The following TUBGCP3 variants were observed in gnomAD, a reference collection of about 807,000 sequenced individuals.
TUBGCP3 encodes the protein gamma-tubulin complex component 3.
Under a neutral mutation model 123.1 loss-of-function variants are expected in TUBGCP3, and 50 were observed. That is an observed-to-expected ratio of 0.41 (90% CI 0.32 to 0.51). The LOEUF (loss-of-function observed/expected upper bound fraction) is 0.51. TUBGCP3 is among the 20% of genes least tolerant of loss of function. TUBGCP3 has a pLI of 0.36. For missense variants in TUBGCP3, 882 were observed against 1,127.0 expected, an observed-to-expected ratio of 0.78 and a Z score of 3.11; for synonymous variants, 405 against 413.9, an observed-to-expected ratio of 0.98 and a Z score of 0.26.
chr13:112,570,542 G>A (rs1220371011), intron 1 of TUBGCP3, among the ~76,000 whole-genome samples: 1 of 152,156 alleles, frequency 6.6e-6, no homozygotes, highest in Non-Finnish European at 1.5e-5. Context: ...ATACTTTATT[G>A]CTAAAAAATG....
intron 10 of TUBGCP3, chr13:112,546,824 A>G (rs1426567312): frequency 6.6e-6 from 1 of 152,238 alleles, no homozygotes; most frequent in Non-Finnish European, 1.5e-5. Context: ...GGGAAGTGCC[A>G]AGAGGTGAGA....
intron 21 of TUBGCP3, among the ~76,000 whole-genome samples, chr13:112,487,934 C>T (rs916392980): frequency 6.6e-6 from 1 of 151,894 alleles, no homozygotes; most frequent in African/African-American, 2.4e-5. Flanking sequence ...GAGTTCAAGA[C>T]CAGCCTGGCC....
chr13:112,566,149 AAGG>A (rs1404717655), intron 2 of TUBGCP3, among the ~76,000 whole-genome samples: 1 of 152,214 alleles, frequency 6.6e-6, no homozygotes, highest in Non-Finnish European at 1.5e-5. Flanking sequence ...CTGTTCCATG[AAGG>A]AGGAGAAGCT....
intron 10 of TUBGCP3, 51 bp downstream of exon 10, chr13:112,547,569 T>TG (rs1879145311): frequency 1.4e-6 from 2 of 1,412,262 alleles, no homozygotes; most frequent in South Asian, 1.6e-5. Flanking sequence ...AAGTCGCGCG[T>TG]GGGAAAGTCG....
chr13:112,588,063 T>C lies in TUBGCP3; in HGVS notation c.-83A>G, dbSNP rs946773175. ...CAGGGACCGCGGCCCGCGCCCTTCC[T>C]GCGCCCCGCAAGCTCCCTGCTCCTG... On this transcript the variant is annotated 5_prime_UTR_variant, in exon 1 of 22. Coordinates refer to ENST00000261965, the MANE Select transcript of TUBGCP3 (RefSeq NM_006322.6). 6 of 1,197,670 alleles carry C rather than the reference T, an allele frequency of 5.0e-6. No individual in the cohort carries two copies. The East Asian group carries it at 1.9e-4, about 38-fold the overall frequency. 74.2% of individuals were successfully genotyped at this position (1,197,670 alleles called of 1,614,324 possible).
chr13:112,587,812 C>T, intron 1 of TUBGCP3, 93 bp downstream of exon 1: 1 of 1,183,002 alleles, frequency 8.5e-7, no homozygotes, highest in Non-Finnish European at 1.2e-6. Flanking sequence ...CCTGCATCCT[C>T]GTTCCTCCAG....
intron 11 of TUBGCP3, among the ~76,000 whole-genome samples, chr13:112,539,514 G>GA (rs1402675196): frequency 1.2e-4 from 19 of 152,164 alleles, no homozygotes; most frequent in Non-Finnish European, 1.8e-4. Context: ...ATGCATTTCT[G>GA]AAAAAACCTA....
chr13:112,533,646 G>A (rs1877781068), intron 11 of TUBGCP3, among the ~76,000 whole-genome samples: 1 of 151,662 alleles, frequency 6.6e-6, no homozygotes, highest in Admixed American at 6.6e-5. Context: ...ATCACATGTT[G>A]AGCTGTTGCA....
chr13:112,499,555 T>C (rs1171312255), intron 19 of TUBGCP3, among the ~76,000 whole-genome samples: 2 of 151,584 alleles, frequency 1.3e-5, no homozygotes, highest in African/African-American at 4.8e-5. Flanking sequence ...GTAGAACTAT[T>C]CCAAGATTGA....
chr13:112,597,436 T>G, the TUBGCP3 span, among the ~76,000 whole-genome samples: 1 of 152,338 alleles, frequency 6.6e-6, no homozygotes, highest in African/African-American at 2.4e-5. Context: ...TTTCACATAG[T>G]GTCTCAGTCA....
chr13:112,529,370 G>A (rs764576313), intron 11 of TUBGCP3, among the ~76,000 whole-genome samples: 4 of 152,196 alleles, frequency 2.6e-5, no homozygotes, highest in Non-Finnish European at 5.9e-5. Flanking sequence ...GATTAAAAGA[G>A]GAAATCATTT....
chr13:112,509,182 CT>C, intron 17 of TUBGCP3, among the ~76,000 whole-genome samples: 1 of 152,332 alleles, frequency 6.6e-6, no homozygotes, highest in East Asian at 1.9e-4. Context: ...CCTCTGGAGC[CT>C]TCTGGAATCA....
chr13:112,547,876 TA>T (rs918172451), intron 9 of TUBGCP3, 124 bp from the exon 10 acceptor site: 526 of 1,110,686 alleles, frequency 4.7e-4, no homozygotes, highest in African/African-American at 2.7e-3. Flanking sequence ...AAGTCCCCTT[TA>T]AAAAAAAATA....
At chr13:112,489,029 A>G (rs1879884091) in intron 21 of TUBGCP3, among the ~76,000 whole-genome samples, 2 of 114,872 alleles carry the variant, frequency 1.7e-5, no homozygotes, top group African/African-American at 3.5e-5. Flanking sequence ...GGCCACCCCC[A>G]GGTCCCCACA....
At chr13:112,583,855 A>G (rs1882431868) in intron 1 of TUBGCP3, among the ~76,000 whole-genome samples, 1 of 152,168 alleles carries the variant, frequency 6.6e-6, no homozygotes. Flanking sequence ...CAGAGCACAT[A>G]CACTAGCCAC....
At chr13:112,603,612 G>C in the TUBGCP3 span, 1 of 152,216 alleles carries the variant, frequency 6.6e-6, no homozygotes, top group South Asian at 2.1e-4. Flanking sequence ...TGTAGTCCCA[G>C]TTACTTGCGA....
At chr13:112,583,552 C>T (rs542490232) in intron 1 of TUBGCP3, among the ~76,000 whole-genome samples, 1 of 152,276 alleles carries the variant, frequency 6.6e-6, no homozygotes, top group East Asian at 1.9e-4. Flanking sequence ...AAAAAAGTTG[C>T]CCTTTGTATC....
chr13:112,550,984 G>A (rs374539850), intron 8 of TUBGCP3, among the ~76,000 whole-genome samples: 237 of 152,110 alleles, frequency 1.6e-3, no homozygotes, highest in African/African-American at 5.3e-3. Flanking sequence ...CTGTGGTTCC[G>A]GCTACTCGGG....
At chr13:112,523,387 C>T (rs568329319) in intron 13 of TUBGCP3, among the ~76,000 whole-genome samples, 5 of 152,110 alleles carry the variant, frequency 3.3e-5, no homozygotes, top group South Asian at 2.1e-4. Flanking sequence ...TTTGTCCTTC[C>T]GAATAAGAAA....
Sources: gnomAD v4.1 joint callset for allele counts (sites outside exome capture counted in the v4.1 genomes callset) on GRCh38, gnomAD v4.1.1 for gene constraint, MANE v1.5 for transcripts, NCBI Gene and HGNC (gene_info 2026-07-23, HGNC 2026-07-21) for gene names.